The following PDZK1 variants were observed in gnomAD, a reference collection of about 807,000 sequenced individuals.
PDZK1 encodes the protein Na(+)/H(+) exchange regulatory cofactor NHE-RF3.
Under a neutral mutation model 38.1 loss-of-function variants are expected in PDZK1, and 23 were observed. The ratio of observed to expected loss-of-function variants is 0.60; its 90% CI spans 0.43 to 0.85. PDZK1 has a LOEUF of 0.85. PDZK1 is among the 40% of genes least tolerant of loss of function. The probability of loss-of-function intolerance (pLI) is 0.00; values close to 1 mark genes in which losing one functional copy is unlikely to be tolerated. For synonymous variants in PDZK1, 98 were observed against 186.2 expected (o/e 0.53, Z 3.86); for missense variants, 297 against 504.3 (o/e 0.59, Z 3.94).
At chr1:145,693,559 G>A (rs1261128008) in intron 1 of PDZK1, among the ~76,000 whole-genome samples, 1 of 152,068 alleles carries the variant, frequency 6.6e-6, no homozygotes, top group Non-Finnish European at 1.5e-5. Context: ...CAGATCACAA[G>A]GTCAGGAGAT....
chr1:145,674,705 G>A (rs1186592723), intron 6 of PDZK1, among the ~76,000 whole-genome samples: 3 of 151,964 alleles, frequency 2.0e-5, no homozygotes, highest in African/African-American at 4.8e-5. Context: ...AGATTTGGAC[G>A]GAGCCACACT....
intron 7 of PDZK1, 129 bp from the exon 8 acceptor site, chr1:145,673,149 T>C (rs1209449826): frequency 9.4e-6 from 6 of 635,916 alleles, no homozygotes; most frequent in African/African-American, 1.8e-5. Flanking sequence ...CCTTGAGGTA[T>C]AGAAGTTGAG....
chr1:145,706,666 G>T (rs1282927648), intron 1 of PDZK1, among the ~76,000 whole-genome samples: 1 of 152,080 alleles, frequency 6.6e-6, no homozygotes, highest in Non-Finnish European at 1.5e-5. Flanking sequence ...AAACCTACCT[G>T]CACTGATCAG....
rs1312284223 is a variant in PDZK1, at chr1:145,671,373, G to C, written c.*63C>G. On this transcript the variant is annotated 3_prime_UTR_variant, in exon 9 of 9. Transcript: ENST00000417171. ...GGTCACAACTCATTCCTTGAGAAAGGATTCCTATTAAATACCCAGAAACAG... is the reference window on the plus strand; with the variant it reads ...GGTCACAACTCATTCCTTGAGAAAGCATTCCTATTAAATACCCAGAAACAG... 43 of 1,606,278 alleles carry C rather than the reference G, an allele frequency of 2.7e-5. No homozygotes were observed. The highest frequency in any genetic ancestry group is 1.7e-5 in the Non-Finnish European group (20 of 1,176,366).
chr1:145,675,055 A>G (rs1325409479), intron 6 of PDZK1, among the ~76,000 whole-genome samples: 1 of 151,972 alleles, frequency 6.6e-6, no homozygotes, highest in Non-Finnish European at 1.5e-5. Context: ...TTATTTTGCT[A>G]TGTATTGTTG....
chr1:145,701,067 T>A (rs1311035627), intron 1 of PDZK1, among the ~76,000 whole-genome samples: 2 of 151,830 alleles, frequency 1.3e-5, no homozygotes, highest in African/African-American at 4.8e-5. Context: ...CAGCTGGGTG[T>A]GGTGGCACAC....
Position 145,692,540 on chromosome 1 carries a change from G to A in PDZK1, c.-2-4517C>T, listed in dbSNP as rs1008159515. Among the ~76,000 whole-genome samples the A allele has an allele frequency of 3.3e-5, 5 of 151,654 alleles. No individual in the cohort carries two copies. In the East Asian group the frequency reaches 5.8e-4, roughly 18 times the overall value. ...AGCCTGGCAAACATGGTGAAACCCC[G>A]TCTCTACTAAAAATACAAAAATTAG... On this transcript the variant is annotated intron_variant, in intron 1 of 8. Coordinates refer to ENST00000417171, the MANE Select transcript of PDZK1 (RefSeq NM_001201325.2).
intron 3 of PDZK1, among the ~76,000 whole-genome samples, chr1:145,683,030 C>G (rs1479658276): frequency 2.0e-5 from 3 of 152,204 alleles, no homozygotes; most frequent in Non-Finnish European, 2.9e-5. Flanking sequence ...CTGCCTTGTC[C>G]TTTGGTTTCT....
chr1:145,705,196 TTC>T (rs1656179549), intron 1 of PDZK1, among the ~76,000 whole-genome samples: 1 of 152,120 alleles, frequency 6.6e-6, no homozygotes, highest in African/African-American at 2.4e-5. Flanking sequence ...GTTCAAGCAA[TTC>T]TCCTGCCTCA....
chr1:145,698,378 A>G (rs1655757425), intron 1 of PDZK1, among the ~76,000 whole-genome samples: 2 of 152,312 alleles, frequency 1.3e-5, no homozygotes, highest in South Asian at 4.1e-4. Context: ...AAGAAATTCT[A>G]TGTAAACCAA....
chr1:145,687,680 A>G (rs1238717489), intron 2 of PDZK1, 132 bp downstream of exon 2: 6 of 725,518 alleles, frequency 8.3e-6, no homozygotes, highest in African/African-American at 6.9e-5. Context: ...AGGTACAGCA[A>G]TAAAGGTGTC....
At chr1:145,685,636 G>A (rs1416372432) in intron 3 of PDZK1, among the ~76,000 whole-genome samples, 3 of 152,060 alleles carry the variant, frequency 2.0e-5, no homozygotes, top group Admixed American at 2.0e-4. Context: ...CTGGTCTGCT[G>A]CTGTATCACT....
At chr1:145,685,696 T>G (rs1295078963) in intron 3 of PDZK1, among the ~76,000 whole-genome samples, 1 of 152,136 alleles carries the variant, frequency 6.6e-6, no homozygotes, top group Non-Finnish European at 1.5e-5. Context: ...AGAAAGAACA[T>G]AGGCAGAGGC....
chr1:145,684,117 G>A (rs1654524565), intron 3 of PDZK1, among the ~76,000 whole-genome samples: 1 of 151,018 alleles, frequency 6.6e-6, no homozygotes, highest in Admixed American at 6.6e-5. Flanking sequence ...AAAGCGCTAG[G>A]ATTACAGATA....
intron 3 of PDZK1, among the ~76,000 whole-genome samples, chr1:145,683,593 A>C (rs1432256607): frequency 7.9e-5 from 12 of 152,298 alleles, no homozygotes; most frequent in African/African-American, 2.6e-4. Context: ...AAAGATATTA[A>C]TAGAGCAGTT....
chr1:145,698,723 G>A (rs1655777572), intron 1 of PDZK1, among the ~76,000 whole-genome samples: 1 of 152,122 alleles, frequency 6.6e-6, no homozygotes, highest in Admixed American at 6.5e-5. Context: ...GAGGTCAGGA[G>A]TTCGAGACCA....
intron 3 of PDZK1, among the ~76,000 whole-genome samples, chr1:145,683,042 A>G (rs1249026505): frequency 2.0e-5 from 3 of 152,178 alleles, no homozygotes; most frequent in Non-Finnish European, 4.4e-5. Flanking sequence ...TTGGTTTCTC[A>G]GCTCCTTTGG....
In PDZK1 at chr1:145,682,572, C is replaced by G; in HGVS notation, c.525G>C (p.Leu175=). 1 of 1,611,490 alleles carries G rather than the reference C, an allele frequency of 6.2e-7. No homozygotes were observed. Among genetic ancestry groups the G allele is most frequent in the Admixed American group, 1.7e-5 (1 of 59,962 alleles). ...PQGVAMRAGV[L]ADDHLIEVNG... ...TCACTTCAATCAAGTGATCATCAGC[C>G]AGAACTCCAGCTCTCATAGCCACAC... The change falls in exon 4 of 9, where the codon CTG becomes CTC. Residue 175 remains leucine, a synonymous_variant. Transcript: ENST00000417171.
intron 1 of PDZK1, among the ~76,000 whole-genome samples, chr1:145,692,612 G>A (rs952473787): frequency 1.3e-5 from 2 of 152,034 alleles, no homozygotes; most frequent in Admixed American, 1.3e-4. Flanking sequence ...TCGGGAGGCT[G>A]GGGAAGGGGA....
Sources: allele counts gnomAD v4.1 joint callset (sites outside exome capture counted in the v4.1 genomes callset), GRCh38; gene constraint gnomAD v4.1.1; transcripts MANE v1.5; gene names NCBI Gene and HGNC (gene_info 2026-07-23, HGNC 2026-07-21).